TNKS: variants seen among roughly 807,000 people sequenced by gnomAD.
The protein encoded by TNKS is poly [ADP-ribose] polymerase tankyrase-1.
Under a neutral mutation model 135.8 loss-of-function variants are expected in TNKS, and 72 were observed. That is an observed-to-expected ratio of 0.53 (90% CI 0.44 to 0.64). The LOEUF (loss-of-function observed/expected upper bound fraction) is 0.64, where lower values mean the gene tolerates loss of function less well. Ranked by LOEUF, TNKS falls within the 30% of genes least tolerant of loss-of-function variation. The pLI, the probability that TNKS is intolerant of heterozygous loss-of-function variation, is 0.00. For synonymous variants in TNKS, 849 were observed against 649.3 expected (o/e 1.31, Z -4.68); for missense variants, 1,769 against 1,674.0 (o/e 1.06, Z -0.99).
At chr8:9,686,239 G>T (rs1044048733) in intron 5 of TNKS, among the ~76,000 whole-genome samples, 23 of 152,138 alleles carry the variant, frequency 1.5e-4, no homozygotes, top group African/African-American at 5.6e-4. Flanking sequence ...AGCCCAAGCA[G>T]CCATGTGACG....
chr8:9,758,461 G>T (rs531436674), intron 20 of TNKS, among the ~76,000 whole-genome samples: 1 of 152,002 alleles, frequency 6.6e-6, no homozygotes, highest in Non-Finnish European at 1.5e-5. Context: ...TATCTAATTG[G>T]ATAAATGCCA....
At chr8:9,666,623 G>T (rs74389651) in intron 3 of TNKS, among the ~76,000 whole-genome samples, 3,290 of 151,982 alleles carry the variant, frequency 0.022, 57 homozygotes, top group South Asian at 0.07. Context: ...GAGAGGATGA[G>T]GCACAAGAAT....
intron 3 of TNKS, among the ~76,000 whole-genome samples, chr8:9,632,704 T>C (rs1206014755): frequency 6.6e-6 from 1 of 152,200 alleles, no homozygotes; most frequent in Non-Finnish European, 1.5e-5. Context: ...TCTTTTACTT[T>C]TGGTTTAATG....
chr8:9,757,486 C>G (rs79298615), intron 20 of TNKS, among the ~76,000 whole-genome samples: 16,223 of 152,048 alleles, frequency 0.11, 1,134 homozygotes, highest in African/African-American at 0.19. Context: ...CTTAAGCCCA[C>G]TTCCCTCCTT....
chr8:9,617,884 A>T (rs1217731044), intron 3 of TNKS, among the ~76,000 whole-genome samples: 4 of 151,766 alleles, frequency 2.6e-5, no homozygotes, highest in Non-Finnish European at 1.5e-5. Context: ...CCAGTATCTC[A>T]TCGTTTTATG....
At chr8:9,566,995 A>G (rs1797570642) in intron 1 of TNKS, among the ~76,000 whole-genome samples, 1 of 152,362 alleles carries the variant, frequency 6.6e-6, no homozygotes, top group East Asian at 1.9e-4. Flanking sequence ...TGGTTGTCGT[A>G]AAATCATTTG....
chr8:9,715,117 A>G (rs1804541846), intron 11 of TNKS, among the ~76,000 whole-genome samples: 1 of 152,164 alleles, frequency 6.6e-6, no homozygotes, highest in Non-Finnish European at 1.5e-5. Flanking sequence ...GCAGGTGACC[A>G]GTGCCACTGA....
Position 9,556,344 on chromosome 8 carries a change from G to C in TNKS, c.405G>C (p.Pro135=). ...ATTCACCGTCGTCCTCTTCTTCCCC[G>C]ACTTCTTCCTCATCTTCCTCTCCAT... ...SNNSPSSSSS[P]TSSSSSSPSS... The change falls in exon 1 of 27, where the codon CCG becomes CCC. Residue 135 remains proline (P), a synonymous_variant. Coordinates refer to ENST00000310430, the MANE Select transcript of TNKS (RefSeq NM_003747.3). 6.2e-7 allele frequency: 1 copy of C among 1,614,202 alleles called. No individual in the cohort carries two copies. The highest frequency in any genetic ancestry group is 8.5e-7 in the Non-Finnish European group (1 of 1,180,038).
At position 9,578,623 on chromosome 8, in the gene TNKS, T is replaced by C. The variant is rs375749196; in HGVS notation, c.674-1536T>C. Among the ~76,000 whole-genome samples, 18 of 152,356 alleles carry C rather than the reference T, an allele frequency of 1.2e-4. No individual in the cohort carries two copies. In the East Asian group the frequency reaches 3.1e-3, roughly 26 times the overall value. ...ATTTCTATAGATAGCATGGAAGACATATCTTGAGATAAATTTCTTTTTTCC... is the reference window on the plus strand; with the variant it reads ...ATTTCTATAGATAGCATGGAAGACACATCTTGAGATAAATTTCTTTTTTCC... On this transcript the variant is annotated intron_variant, in intron 1 of 26. Coordinates refer to ENST00000310430, the MANE Select transcript of TNKS (RefSeq NM_003747.3).
intron 1 of TNKS, among the ~76,000 whole-genome samples, chr8:9,564,491 G>A (rs1202038654): frequency 6.6e-6 from 1 of 152,222 alleles, no homozygotes; most frequent in Non-Finnish European, 1.5e-5. Context: ...GAATAAACAT[G>A]AGCTCTGTGA....
chr8:9,768,148 G>A (rs796133916), intron 25 of TNKS, among the ~76,000 whole-genome samples: 1 of 152,098 alleles, frequency 6.6e-6, no homozygotes, highest in African/African-American at 2.4e-5. Flanking sequence ...AGACACACAA[G>A]TTTAAGTCTT....
intron 11 of TNKS, among the ~76,000 whole-genome samples, chr8:9,715,058 G>C (rs1313615267): frequency 6.6e-6 from 1 of 152,100 alleles, no homozygotes; most frequent in Non-Finnish European, 1.5e-5. Flanking sequence ...GAGAAAGCTG[G>C]AAGTTCTATC....
intron 2 of TNKS, among the ~76,000 whole-genome samples, chr8:9,581,023 G>A (rs1214748063): frequency 6.6e-6 from 1 of 152,076 alleles, no homozygotes; most frequent in African/African-American, 2.4e-5. Flanking sequence ...CTTCTAGAGG[G>A]CAAGTATAAT....
Position 9,731,988 on chromosome 8 carries a change from T to C in TNKS, c.2147+953T>C, listed in dbSNP as rs367919490. ...ATTTTTAGGAGAGACGGGGTTTCAC[T>C]GTGTTAGCCAGGATGGTCTCAATCT... is the stretch of plus-strand genomic sequence containing the variant. On this transcript the variant is annotated intron_variant, in intron 14 of 26. Transcript: ENST00000310430. 1.3e-4 allele frequency among the ~76,000 whole-genome samples: 20 copies of C among 152,206 alleles called. No homozygotes were observed. In the East Asian group the frequency reaches 2.7e-3, roughly 21 times the overall value.
chr8:9,578,888 T>G (rs530696740), intron 1 of TNKS, among the ~76,000 whole-genome samples: 1 of 152,352 alleles, frequency 6.6e-6, no homozygotes, highest in South Asian at 2.1e-4. Context: ...GGTTTCCTTT[T>G]ATAACCCATT....
At chr8:9,751,571 A>G in intron 18 of TNKS, 38 bp from the exon 19 acceptor site, 1 of 1,560,248 alleles carries the variant, frequency 6.4e-7, no homozygotes, top group Non-Finnish European at 8.8e-7. Flanking sequence ...TTTAATATAT[A>G]GTATTTTCAT....
chr8:9,735,503 TA>T lies in TNKS; in HGVS notation c.2643+21del. 1 of 1,604,036 alleles carries T rather than the reference TA, an allele frequency of 6.2e-7. No individual in the cohort carries two copies. Among genetic ancestry groups the T allele is most frequent in the Non-Finnish European group, 8.5e-7 (1 of 1,170,982 alleles). On this transcript the variant is annotated intron_variant, in intron 17 of 26. Coordinates refer to ENST00000310430, the MANE Select transcript of TNKS (RefSeq NM_003747.3). The stretch of plus-strand genomic sequence containing the variant: ...TCTTATGGGGTAAGCATACTAACAT[TA>T]AAATCTAGAAAACTGACCGCACGCG...
At chr8:9,733,235 C>G (rs1805530936) in intron 14 of TNKS, 44 bp from the exon 15 acceptor site, 20 of 1,508,086 alleles carry the variant, frequency 1.3e-5, no homozygotes, top group Non-Finnish European at 1.8e-5. Context: ...CATTGTAACT[C>G]AAAGGTTTGT....
At chr8:9,774,860 G>A (rs1808132195) in intron 26 of TNKS, among the ~76,000 whole-genome samples, 1 of 152,296 alleles carries the variant, frequency 6.6e-6, no homozygotes, top group Admixed American at 6.5e-5. Context: ...CAAGTAAAAT[G>A]TCATAGAAAG....
Sources: gnomAD v4.1 joint callset for allele counts (sites outside exome capture counted in the v4.1 genomes callset) on GRCh38, gnomAD v4.1.1 for gene constraint, MANE v1.5 for transcripts, NCBI Gene and HGNC (gene_info 2026-07-23, HGNC 2026-07-21) for gene names.